The following VAT1L variants were observed in gnomAD, a reference collection of about 807,000 sequenced individuals.
The protein encoded by VAT1L is putative NADPH-dependent quinone oxidoreductase VAT1L.
In VAT1L, 34 loss-of-function variants were observed where a neutral mutation model predicts 44.1. That is an observed-to-expected ratio of 0.77 (90% CI 0.59 to 1.03). The LOEUF (loss-of-function observed/expected upper bound fraction) is 1.03, where lower values mean the gene tolerates loss of function less well. VAT1L is among the 50% of genes least tolerant of loss of function. The probability of loss-of-function intolerance (pLI) is 0.00; values close to 1 mark genes in which losing one functional copy is unlikely to be tolerated. For missense variants in VAT1L, 615 were observed against 538.8 expected (o/e 1.14, Z -1.40); for synonymous variants, 253 against 202.2 (o/e 1.25, Z -2.13).
intron 1 of VAT1L, among the ~76,000 whole-genome samples, chr16:77,805,639 C>A (rs1323801826): frequency 6.6e-6 from 1 of 151,128 alleles, no homozygotes; most frequent in African/African-American, 2.4e-5. Flanking sequence ...AAATGCAGGA[C>A]TGGTTAAAGT....
At chr16:77,862,674 G>A (rs1694502502) in intron 3 of VAT1L, 74 bp from the exon 4 acceptor site, 1 of 1,302,766 alleles carries the variant, frequency 7.7e-7, no homozygotes, top group Admixed American at 2.3e-5. Flanking sequence ...GAGAAATCCT[G>A]CTCTACACCC....
intron 1 of VAT1L, among the ~76,000 whole-genome samples, chr16:77,803,976 C>G: frequency 6.6e-6 from 1 of 152,156 alleles, no homozygotes; most frequent in Non-Finnish European, 1.5e-5. Flanking sequence ...AAGAACTACC[C>G]TCTCTGTGCT....
Position 77,816,919 on chromosome 16 carries a change from A to G in VAT1L, c.234-2A>G. ...CTCTCCTTTCACATTTGCTCTTTAC[A>G]GTGGATTAAACTTCATTGACTTGAT... On this transcript the variant is annotated splice_acceptor_variant, in intron 1 of 8. Transcript: ENST00000302536. LOFTEE classifies it high-confidence loss of function. 2 of 1,611,884 alleles carry G rather than the reference A, an allele frequency of 1.2e-6. No individual in the cohort carries two copies. Among genetic ancestry groups the G allele is most frequent in the Non-Finnish European group, 1.7e-6 (2 of 1,179,080 alleles).
chr16:77,930,649 G>T (rs2017721091), intron 7 of VAT1L, among the ~76,000 whole-genome samples: 1 of 152,168 alleles, frequency 6.6e-6, no homozygotes, highest in Non-Finnish European at 1.5e-5. Flanking sequence ...TCATTTGGTG[G>T]TTGGATAATC....
At chr16:77,896,610 G>T (rs540486496) in intron 7 of VAT1L, among the ~76,000 whole-genome samples, 99 of 152,338 alleles carry the variant, frequency 6.5e-4, no homozygotes, top group African/African-American at 2.1e-3. Flanking sequence ...CAAGGGAGGA[G>T]AACACAGGAT....
intron 7 of VAT1L, among the ~76,000 whole-genome samples, chr16:77,914,840 G>A (rs2017535698): frequency 1.3e-5 from 2 of 152,206 alleles, no homozygotes; most frequent in Admixed American, 6.5e-5. Context: ...GTAAAGAGTT[G>A]ATGGGCCGGA....
intron 7 of VAT1L, among the ~76,000 whole-genome samples, chr16:77,915,606 G>T (rs536156556): frequency 6.6e-6 from 1 of 152,184 alleles, no homozygotes; most frequent in South Asian, 2.1e-4. Context: ...TGAAGGAAGT[G>T]CATGGGTTAA....
At chr16:77,973,045 G>C (rs531381888) in intron 8 of VAT1L, among the ~76,000 whole-genome samples, 7 of 151,922 alleles carry the variant, frequency 4.6e-5, no homozygotes, top group African/African-American at 1.7e-4. Flanking sequence ...ACCACCAGGA[G>C]TATAGCATGT....
chr16:77,955,135 T>C, intron 7 of VAT1L, among the ~76,000 whole-genome samples: 1 of 152,154 alleles, frequency 6.6e-6, no homozygotes, highest in Non-Finnish European at 1.5e-5. Flanking sequence ...GTTATGTGGA[T>C]ACTGAGATGG....
At chr16:77,815,596 C>A (rs1002526879) in intron 1 of VAT1L, among the ~76,000 whole-genome samples, 28 of 152,128 alleles carry the variant, frequency 1.8e-4, no homozygotes, top group Non-Finnish European at 4.4e-5. Flanking sequence ...ATAAGTGAGA[C>A]CAGTGGGCAT....
At chr16:77,863,397 C>A (rs1435897556) in intron 4 of VAT1L, among the ~76,000 whole-genome samples, 1 of 152,354 alleles carries the variant, frequency 6.6e-6, no homozygotes, top group South Asian at 2.1e-4. Context: ...TCTAGCACTA[C>A]TGCTCAGGTC....
chr16:77,871,068 A>C (rs544157077), intron 4 of VAT1L, among the ~76,000 whole-genome samples: 2 of 152,136 alleles, frequency 1.3e-5, no homozygotes, highest in South Asian at 2.1e-4. Context: ...GCACTTTTCA[A>C]TTTTGAAATT....
intron 7 of VAT1L, among the ~76,000 whole-genome samples, chr16:77,885,065 A>G (rs1353612973): frequency 1.3e-5 from 2 of 152,198 alleles, no homozygotes; most frequent in African/African-American, 4.8e-5. Flanking sequence ...AATTTTGATC[A>G]ATGTCTACAA....
At chr16:77,846,430 G>A (rs1324253733) in intron 3 of VAT1L, among the ~76,000 whole-genome samples, 1 of 152,092 alleles carries the variant, frequency 6.6e-6, no homozygotes, top group African/African-American at 2.4e-5. Context: ...TGGTAGGGCT[G>A]CCGTATACTG....
chr16:77,963,139 G>A (rs1361346763), intron 7 of VAT1L, among the ~76,000 whole-genome samples: 1 of 152,140 alleles, frequency 6.6e-6, no homozygotes, highest in Admixed American at 6.5e-5. Flanking sequence ...AGGTGGGTGA[G>A]AACCTGGGCC....
chr16:77,811,233 G>A (rs140962876), intron 1 of VAT1L, among the ~76,000 whole-genome samples: 165 of 152,266 alleles, frequency 1.1e-3, no homozygotes, highest in African/African-American at 3.9e-3. Flanking sequence ...TTTTCACCAG[G>A]AGAGTAGAAG....
intron 3 of VAT1L, among the ~76,000 whole-genome samples, chr16:77,850,532 G>A (rs1013247395): frequency 1.3e-5 from 2 of 152,122 alleles, no homozygotes; most frequent in African/African-American, 2.4e-5. Context: ...TATGCCTGTT[G>A]ATCAAGGGGA....
chr16:77,866,482 A>T (rs2016975692), intron 4 of VAT1L, among the ~76,000 whole-genome samples: 1 of 152,178 alleles, frequency 6.6e-6, no homozygotes. Context: ...TTCTCGGTGC[A>T]TGTAGACTTA....
chr16:77,972,053 C>A (rs1357865875), intron 8 of VAT1L, 120 bp downstream of exon 8: 2 of 848,970 alleles, frequency 2.4e-6, no homozygotes, highest in South Asian at 1.9e-5. Context: ...GTGGAGGAGA[C>A]CAGGGGTAAT....
Sources: gnomAD v4.1 joint callset for allele counts (sites outside exome capture counted in the v4.1 genomes callset) on GRCh38, gnomAD v4.1.1 for gene constraint, MANE v1.5 for transcripts, NCBI Gene and HGNC (gene_info 2026-07-23, HGNC 2026-07-21) for gene names.